The following VWDE variants were observed in gnomAD, a reference collection of about 807,000 sequenced individuals.
VWDE encodes von Willebrand factor D and EGF domain-containing protein.
In VWDE, 207 loss-of-function variants were observed where a neutral mutation model predicts 178.4. The observed-to-expected ratio is 1.16, with a 90% confidence interval of 1.04 to 1.30. The LOEUF (loss-of-function observed/expected upper bound fraction) is 1.30, where lower values mean the gene tolerates loss of function less well. VWDE is among the 50% of genes most tolerant of loss of function. The probability of loss-of-function intolerance (pLI) is 0.00; values close to 1 mark genes in which losing one functional copy is unlikely to be tolerated. For missense variants in VWDE, 2,287 were observed against 1,901.3 expected, an observed-to-expected ratio of 1.20 and a Z score of -3.77; for synonymous variants, 738 against 651.4, an observed-to-expected ratio of 1.13 and a Z score of -2.02.
chr7:12,344,867 A>G (rs1484046453), intron 19 of VWDE, among the ~76,000 whole-genome samples: 3 of 152,174 alleles, frequency 2.0e-5, no homozygotes. Flanking sequence ...CATGCAAATA[A>G]GCAAATATGC....
intron 2 of VWDE, 41 bp downstream of exon 2, chr7:12,393,553 C>A: frequency 2.8e-6 from 4 of 1,422,128 alleles, no homozygotes; most frequent in South Asian, 1.5e-5. Flanking sequence ...ATGAAAAACA[C>A]ATAAGGAAAA....
At chr7:12,397,028 ACTAC>A (rs2128563922) in intron 1 of VWDE, among the ~76,000 whole-genome samples, 1 of 152,270 alleles carries the variant, frequency 6.6e-6, no homozygotes, top group East Asian at 1.9e-4. Context: ...TTTCTATGAA[ACTAC>A]CAATGTTGTT....
intron 26 of VWDE, among the ~76,000 whole-genome samples, chr7:12,336,476 C>A (rs1201524588): frequency 6.6e-6 from 1 of 152,148 alleles, no homozygotes; most frequent in Non-Finnish European, 1.5e-5. Flanking sequence ...TAACTTTTCT[C>A]CAGTTGTTGG....
intron 4 of VWDE, 89 bp from the exon 5 acceptor site, chr7:12,380,822 G>A: frequency 6.4e-6 from 9 of 1,395,690 alleles, no homozygotes; most frequent in South Asian, 3.0e-5. Flanking sequence ...ATAACTCTGT[G>A]GTTTATCTTA....
chr7:12,393,544 T>C lies in VWDE; in HGVS notation c.243+50A>G, dbSNP rs565880681. The C allele has an allele frequency of 1.6e-5, 22 of 1,401,332 alleles. No homozygotes were observed. In the East Asian group the frequency reaches 2.3e-4, roughly 15 times the overall value. The allele number at this position is 1,401,332 out of a possible 1,614,324, so 86.8% of individuals were successfully genotyped here. A position where few individuals can be genotyped will look rare whatever the true frequency, so the allele number is the denominator to read the frequency against. On this transcript the variant is annotated intron_variant, in intron 2 of 28. Transcript: ENST00000275358. ...GTGGTAAAAAGATACAATTCTCATA[T>C]GAAAAACACATAAGGAAAATAACAT...
At chr7:12,350,992 C>A (rs558306052) in intron 19 of VWDE, among the ~76,000 whole-genome samples, 9 of 152,192 alleles carry the variant, frequency 5.9e-5, no homozygotes, top group African/African-American at 1.2e-4. Flanking sequence ...TCAGAGTATT[C>A]AGTAAGGTGA....
chr7:12,351,593 G>T lies in VWDE; in HGVS notation c.3866C>A (p.Pro1289Gln). 1 of 1,548,972 alleles carries T rather than the reference G, an allele frequency of 6.5e-7. No homozygotes were observed. The highest frequency in any genetic ancestry group is 1.2e-5 in the South Asian group (1 of 83,504). The change falls in exon 19 of 29, where the codon CCA becomes CAA. Residue 1289 changes from proline to glutamine, a missense_variant. Pro to Gln is a moderately conservative substitution (Grantham distance 76, BLOSUM62 -1). Transcript: ENST00000275358. ...NAQGRKRHVKPTSGNAFTICK... is the reference protein window; with the variant it reads ...NAQGRKRHVKQTSGNAFTICK... The stretch of plus-strand genomic sequence containing the variant: ...CTTACTGAAGGCATTTCCACTTGTT[G>T]GCTTAACATGCCTCTTTCTCCCTTG...
intron 1 of VWDE, among the ~76,000 whole-genome samples, chr7:12,395,600 ATTTT>A (rs1055082792): frequency 2.0e-5 from 3 of 152,024 alleles, no homozygotes; most frequent in African/African-American, 7.2e-5. Flanking sequence ...TTAACTCAAA[ATTTT>A]ATTTATTTAC....
chr7:12,340,323 AT>A lies in VWDE; in HGVS notation c.4364del (p.Asn1455MetfsTer15). ...PNGFFGEHCQNAFCHPPCKNG... is the reference protein window; with the variant it reads ...PNGFFGEHCQXAFCHPPCKNG... ...TACATACAAAGAAAGAATAATTACCATTCTGACAGTGTTCCCCAAAGAATCC... is the reference window on the plus strand; with the variant it reads ...TACATACAAAGAAAGAATAATTACCATCTGACAGTGTTCCCCAAAGAATCC... On this transcript the variant is annotated frameshift_variant and splice_region_variant, in exon 24 of 29. Coordinates refer to ENST00000275358, the MANE Select transcript of VWDE (RefSeq NM_001135924.3). LOFTEE classifies it high-confidence loss of function. The A allele has an allele frequency of 1.3e-6, 2 of 1,549,422 alleles. No individual in the cohort carries two copies. Among genetic ancestry groups the A allele is most frequent in the Non-Finnish European group, 1.7e-6 (2 of 1,145,424 alleles).
At chr7:12,336,361 T>G in intron 26 of VWDE, 125 bp from the exon 27 acceptor site, 1 of 748,286 alleles carries the variant, frequency 1.3e-6, no homozygotes, top group East Asian at 2.8e-5. Flanking sequence ...AAAGAAATTT[T>G]TCCCTAATAT....
At position 12,385,042 on chromosome 7, in the gene VWDE, CTAAA is replaced by C. The variant is rs151024880; in HGVS notation, c.476-1445_476-1442del. On this transcript the variant is annotated intron_variant, in intron 3 of 28. Transcript: ENST00000275358. Reference sequence around the variant, plus strand: ...CATATTCATATTTCCATAGAGTCTTCTAAATAAATAATATTTCAAATATATAAAC... The same window carrying C: ...CATATTCATATTTCCATAGAGTCTTCTAAATAATATTTCAAATATATAAAC... Among the ~76,000 whole-genome samples the C allele has an allele frequency of 6.9e-4, 105 of 152,092 alleles. No homozygotes were observed. In the East Asian group the frequency reaches 0.02, roughly 28 times the overall value.
intron 2 of VWDE, among the ~76,000 whole-genome samples, chr7:12,389,712 A>G (rs1172530329): frequency 6.6e-6 from 1 of 152,256 alleles, no homozygotes; most frequent in Admixed American, 6.5e-5. Flanking sequence ...ATGTTAACAC[A>G]TAACACAAAG....
chr7:12,376,128 C>G (rs1385546632), intron 7 of VWDE, among the ~76,000 whole-genome samples: 1 of 148,856 alleles, frequency 6.7e-6, no homozygotes, highest in Non-Finnish European at 1.5e-5. Context: ...TTTTCCCATG[C>G]ACATAAAAAA....
chr7:12,402,848 C>A (rs76620737), intron 1 of VWDE, among the ~76,000 whole-genome samples: 36 of 152,104 alleles, frequency 2.4e-4, no homozygotes, highest in African/African-American at 7.0e-4. Flanking sequence ...AAACTATACC[C>A]TGGACTGCTA....
Position 12,333,501 on chromosome 7 carries a change from A to T in VWDE, c.4722T>A (p.Thr1574=), listed in dbSNP as rs765969001. ...TCTCACATTTGACTCCAGAGTATTC[A>T]GTGCGGCAGGAACACACATTGGGAA... The part of the protein sequence containing the change: ...CIFPNVCSCR[T]EYSGVKCEKK... The change falls in exon 28 of 29, where the codon ACT becomes ACA. Residue 1574 remains threonine (T), a synonymous_variant. Coordinates refer to ENST00000275358, the MANE Select transcript of VWDE (RefSeq NM_001135924.3). The T allele has an allele frequency of 4.5e-6, 7 of 1,551,032 alleles. No individual in the cohort carries two copies. The South Asian group carries it at 7.1e-5, about 16-fold the overall frequency.
chr7:12,398,383 C>T (rs1784724375), intron 1 of VWDE, among the ~76,000 whole-genome samples: 1 of 152,150 alleles, frequency 6.6e-6, no homozygotes, highest in East Asian at 1.9e-4. Context: ...TACCAGATTA[C>T]CACATCTGGA....
intron 13 of VWDE, among the ~76,000 whole-genome samples, chr7:12,364,923 G>C (rs964141635): frequency 1.1e-4 from 16 of 152,104 alleles, no homozygotes; most frequent in Non-Finnish European, 2.2e-4. Context: ...CCCGTGATTA[G>C]ATACATTGCA....
Position 12,380,639 on chromosome 7 carries a change from A to C in VWDE, c.636T>G (p.Phe212Leu), listed in dbSNP as rs1210218160. The change falls in exon 5 of 29, where the codon TTT becomes TTG. Residue 212 changes from phenylalanine (F) to leucine (L), a missense_variant. Physicochemically the swap from Phe to Leu is conservative, Grantham distance 22 (BLOSUM62 0). Coordinates refer to ENST00000275358, the MANE Select transcript of VWDE (RefSeq NM_001135924.3). ...IESRLFCRCS[F>L]DVPATKNSVG... ...CTGAGTTTTTTGTAGCGGGAACATCAAAAGAACACCTACAGAAAAGCCTGG... is the reference window on the plus strand; with the variant it reads ...CTGAGTTTTTTGTAGCGGGAACATCCAAAGAACACCTACAGAAAAGCCTGG... 6.4e-7 allele frequency: 1 copy of C among 1,552,262 alleles called. No homozygotes were observed. Among genetic ancestry groups the C allele is most frequent in the South Asian group, 1.2e-5 (1 of 84,056 alleles).
At chr7:12,338,005 T>A (rs1025419168) in intron 24 of VWDE, among the ~76,000 whole-genome samples, 1 of 152,124 alleles carries the variant, frequency 6.6e-6, no homozygotes. Context: ...AAATTTAAAA[T>A]TTAATTTCTT....
Sources: gnomAD v4.1 joint callset for allele counts (sites outside exome capture counted in the v4.1 genomes callset) on GRCh38, gnomAD v4.1.1 for gene constraint, MANE v1.5 for transcripts, NCBI Gene and HGNC (gene_info 2026-07-23, HGNC 2026-07-21) for gene names.